The following EFCAB13 variants were observed in gnomAD, a reference collection of about 807,000 sequenced individuals.
EFCAB13 encodes EF-hand calcium binding domain 13.
In EFCAB13, 91 loss-of-function variants were observed where a neutral mutation model predicts 110.2. That is an observed-to-expected ratio of 0.83 (90% CI 0.70 to 0.98). The LOEUF (loss-of-function observed/expected upper bound fraction) is 0.98, where lower values mean the gene tolerates loss of function less well. EFCAB13 is among the 50% of genes least tolerant of loss of function. The probability of loss-of-function intolerance (pLI) is 0.00; values close to 1 mark genes in which losing one functional copy is unlikely to be tolerated. For synonymous variants in EFCAB13, 323 were observed against 369.9 expected (o/e 0.87, Z 1.45); for missense variants, 968 against 1,119.4 (o/e 0.86, Z 1.93).
intron 23 of EFCAB13, among the ~76,000 whole-genome samples, chr17:47,427,742 TC>T (rs1376267958): frequency 6.6e-6 from 1 of 152,052 alleles, no homozygotes; most frequent in East Asian, 1.9e-4. Flanking sequence ...TCAGTAGTCA[TC>T]CCATTACCTC....
At chr17:47,433,532 T>G (rs949545194) in intron 24 of EFCAB13, among the ~76,000 whole-genome samples, 2 of 152,300 alleles carry the variant, frequency 1.3e-5, no homozygotes, top group East Asian at 3.9e-4. Context: ...GGAGATACTT[T>G]GAGACTGTGC....
Position 47,412,843 on chromosome 17 carries a change from T to C in EFCAB13, c.2349T>C (p.His783=), listed in dbSNP as rs759448617. The change falls in exon 22 of 25, where the codon CAT becomes CAC. Residue 783 remains histidine (H), a synonymous_variant. Transcript: ENST00000331493. The stretch of plus-strand genomic sequence containing the variant: ...AGATTGGTATACCTGATTTGGAGCA[T>C]GCCTTGAAATGTTTGAATGTTAATT... The part of the protein sequence containing the change: ...NGKIGIPDLE[H]ALKCLNVNLT... 5 of 1,613,856 alleles carry C rather than the reference T, an allele frequency of 3.1e-6. No individual in the cohort carries two copies. Among genetic ancestry groups the C allele is most frequent in the Non-Finnish European group, 4.2e-6 (5 of 1,179,846 alleles).
intron 9 of EFCAB13, among the ~76,000 whole-genome samples, chr17:47,354,115 A>G (rs574956992): frequency 3.9e-5 from 6 of 152,186 alleles, no homozygotes; most frequent in East Asian, 3.9e-4. Context: ...TTAAATTTCC[A>G]TCTTGATTTC....
chr17:47,377,388 T>C (rs1001132644), intron 12 of EFCAB13, among the ~76,000 whole-genome samples: 3 of 152,084 alleles, frequency 2.0e-5, no homozygotes, highest in Non-Finnish European at 2.9e-5. Flanking sequence ...TCTCAAACTC[T>C]TGACCTCCAA....
At chr17:47,430,195 A>T in intron 24 of EFCAB13, 1 of 1,112,586 alleles carries the variant, frequency 9.0e-7, no homozygotes, top group Non-Finnish European at 1.1e-6. Context: ...AGTACCTAGG[A>T]GGTGAGATTA....
At chr17:47,365,101 A>G (rs2143329923) in intron 10 of EFCAB13, among the ~76,000 whole-genome samples, 1 of 152,324 alleles carries the variant, frequency 6.6e-6, no homozygotes, top group South Asian at 2.1e-4. Context: ...ACTATTCGCA[A>G]TTGAAATTTG....
At chr17:47,391,375 G>C in intron 14 of EFCAB13, 62 bp from the exon 15 acceptor site, 2 of 1,280,628 alleles carry the variant, frequency 1.6e-6, no homozygotes, top group African/African-American at 3.1e-5. Context: ...AATTCATCTT[G>C]TTAGTGGTGT....
rs113027978 is a variant in EFCAB13, at chr17:47,410,118, TAAA to T, written c.2278+437_2278+439del. Among the ~76,000 whole-genome samples the T allele has an allele frequency of 2.1e-5, 3 of 140,576 alleles. No homozygotes were observed. In the South Asian group the frequency reaches 6.7e-4, roughly 31 times the overall value. 92.2% of individuals were successfully genotyped at this position (140,576 alleles called of 152,430 possible). On this transcript the variant is annotated intron_variant, in intron 21 of 24. Coordinates refer to ENST00000331493, the MANE Select transcript of EFCAB13 (RefSeq NM_152347.5). ...AATACCACAGACTGGATAATTTGTA[TAAA>T]AAAAAAAAAGAGATTCATTTCTTAC...
intron 23 of EFCAB13, among the ~76,000 whole-genome samples, chr17:47,425,936 AAG>A (rs1338805024): frequency 6.6e-6 from 1 of 152,210 alleles, no homozygotes; most frequent in Admixed American, 6.5e-5. Flanking sequence ...GGAAACTCTT[AAG>A]AGAGAGCGAG....
At chr17:47,362,194 T>A (rs1389664608) in intron 10 of EFCAB13, among the ~76,000 whole-genome samples, 1 of 152,146 alleles carries the variant, frequency 6.6e-6, no homozygotes, top group Admixed American at 6.5e-5. Context: ...TATATGAATA[T>A]AATTAATCAT....
intron 9 of EFCAB13, among the ~76,000 whole-genome samples, chr17:47,357,198 G>A (rs2065485820): frequency 6.6e-6 from 1 of 152,122 alleles, no homozygotes; most frequent in Admixed American, 6.6e-5. Context: ...TTACTTGCCT[G>A]TCCCACAGAG....
intron 23 of EFCAB13, among the ~76,000 whole-genome samples, chr17:47,417,119 AAAG>A (rs1567804333): frequency 6.6e-6 from 1 of 152,212 alleles, no homozygotes; most frequent in Non-Finnish European, 1.5e-5. Flanking sequence ...CAGCTAGAGA[AAAG>A]AAAATATTGT....
In EFCAB13 at chr17:47,439,654, C is replaced by T. The variant is rs75516732; in HGVS notation, c.2639-777C>T. ...AATTTGTATGGATTTTTGGAGACCA[C>T]GTGGAGAGATTAAATTTATGTGTCT... On this transcript the variant is annotated intron_variant, in intron 24 of 24. Coordinates refer to ENST00000331493, the MANE Select transcript of EFCAB13 (RefSeq NM_152347.5). 4.3e-3 allele frequency among the ~76,000 whole-genome samples: 647 copies of T among 152,170 alleles called. 18 individuals are homozygous for T. In the East Asian group the frequency reaches 0.064, roughly 15 times the overall value.
Position 47,440,573 on chromosome 17 carries a change from A to G in EFCAB13, c.2781A>G (p.Thr927=). ...AAGCAGTGGTTTACATGTTAAAAAC[A>G]ATACAGGATTCGATAGTTAAAGCAC... is the stretch of plus-strand genomic sequence containing the variant. ...ERQAVVYMLK[T]IQDSIVKAQV... The change falls in exon 25 of 25, where the codon ACA becomes ACG. Residue 927 remains threonine (T), a synonymous_variant. Coordinates refer to ENST00000331493, the MANE Select transcript of EFCAB13 (RefSeq NM_152347.5). The G allele has an allele frequency of 6.2e-7, 1 of 1,613,390 alleles. No individual in the cohort carries two copies. The highest frequency in any genetic ancestry group is 8.5e-7 in the Non-Finnish European group (1 of 1,179,648).
intron 12 of EFCAB13, 106 bp from the exon 13 acceptor site, chr17:47,377,660 A>G: frequency 1.0e-6 from 1 of 953,780 alleles, no homozygotes; most frequent in Non-Finnish European, 1.5e-6. Flanking sequence ...ATAAGGTAAT[A>G]TAAAATAGAT....
intron 23 of EFCAB13, 101 bp from the exon 24 acceptor site, chr17:47,429,717 A>T: frequency 2.9e-6 from 4 of 1,361,018 alleles, no homozygotes; most frequent in Non-Finnish European, 3.9e-6. Context: ...TTCTAGAATC[A>T]GATCTTCATA....
chr17:47,401,331 C>T (rs915556282), intron 17 of EFCAB13, among the ~76,000 whole-genome samples: 2 of 152,276 alleles, frequency 1.3e-5, no homozygotes, highest in Admixed American at 1.3e-4. Context: ...TTCCTTATTC[C>T]TGGCTGGGAA....
At chr17:47,418,275 G>C (rs1037831805) in intron 23 of EFCAB13, among the ~76,000 whole-genome samples, 1 of 152,116 alleles carries the variant, frequency 6.6e-6, no homozygotes, top group African/African-American at 2.4e-5. Flanking sequence ...TTAAATCCTG[G>C]TGCTTGCTTC....
At chr17:47,410,128 AAAG>A (rs1416537349) in intron 21 of EFCAB13, among the ~76,000 whole-genome samples, 2 of 152,158 alleles carry the variant, frequency 1.3e-5, no homozygotes, top group South Asian at 4.2e-4. Context: ...TAAAAAAAAA[AAAG>A]AGATTCATTT....
Sources: gnomAD v4.1 joint callset for allele counts (sites outside exome capture counted in the v4.1 genomes callset) on GRCh38, gnomAD v4.1.1 for gene constraint, MANE v1.5 for transcripts, NCBI Gene and HGNC (gene_info 2026-07-23, HGNC 2026-07-21) for gene names.